Variants in SPOCK3 observed in about 807,000 individuals in gnomAD.
The protein encoded by SPOCK3 is SPARC (osteonectin), cwcv and kazal like domains proteoglycan 3, also known as testican-3.
In SPOCK3, 30 loss-of-function variants were observed where a neutral mutation model predicts 56.6. That is an observed-to-expected ratio of 0.53 (90% confidence interval 0.40 to 0.72). The LOEUF (loss-of-function observed/expected upper bound fraction) is 0.72. SPOCK3 is among the 30% of genes least tolerant of loss of function. SPOCK3 has a pLI of 0.00. For missense variants in SPOCK3, 527 were observed against 530.0 expected, an observed-to-expected ratio of 0.99 and a Z score of 0.06; for synonymous variants, 196 against 183.3, an observed-to-expected ratio of 1.07 and a Z score of -0.56.
chr4:167,061,974 G>A (rs760852757), intron 3 of SPOCK3, among the ~76,000 whole-genome samples: 1 of 151,778 alleles, frequency 6.6e-6, no homozygotes, highest in Non-Finnish European at 1.5e-5. Context: ...TTAAAGGTAA[G>A]TTAATCAGAA....
intron 5 of SPOCK3, among the ~76,000 whole-genome samples, chr4:166,912,198 T>C (rs76942767): frequency 3.9e-5 from 6 of 151,964 alleles, no homozygotes; most frequent in African/African-American, 1.4e-4. Context: ...TCTGATCCTG[T>C]TTTTTTCATC....
intron 2 of SPOCK3, among the ~76,000 whole-genome samples, chr4:167,150,311 A>G (rs1393528724): frequency 6.6e-6 from 1 of 152,052 alleles, no homozygotes; most frequent in Non-Finnish European, 1.5e-5. Flanking sequence ...TTTTTTTTTA[A>G]TGTAAAAATG....
chr4:167,053,236 C>T (rs1219147218), intron 3 of SPOCK3, among the ~76,000 whole-genome samples: 1 of 151,772 alleles, frequency 6.6e-6, no homozygotes, highest in African/African-American at 2.4e-5. Flanking sequence ...TTTCTCAAAA[C>T]TGCCCCTCCC....
At chr4:166,873,919 A>G (rs941864032) in intron 6 of SPOCK3, among the ~76,000 whole-genome samples, 2 of 152,152 alleles carry the variant, frequency 1.3e-5, no homozygotes, top group African/African-American at 4.8e-5. Flanking sequence ...CACTCAGAAG[A>G]AGGAATGGAT....
At chr4:167,030,965 C>T (rs1188755085) in intron 3 of SPOCK3, among the ~76,000 whole-genome samples, 3 of 152,102 alleles carry the variant, frequency 2.0e-5, no homozygotes, top group African/African-American at 7.2e-5. Context: ...AGATATTTGT[C>T]ATGTGTTGAG....
intron 2 of SPOCK3, among the ~76,000 whole-genome samples, chr4:167,142,955 T>C (rs990351576): frequency 2.0e-5 from 3 of 151,936 alleles, no homozygotes; most frequent in African/African-American, 7.2e-5. Flanking sequence ...TACATAATAT[T>C]ATGCCACTAG....
intron 4 of SPOCK3, among the ~76,000 whole-genome samples, chr4:166,990,287 T>C (rs984577509): frequency 1.3e-5 from 2 of 152,148 alleles, no homozygotes; most frequent in African/African-American, 4.8e-5. Context: ...TTGAGCTCCA[T>C]ATTTTGACAT....
intron 2 of SPOCK3, among the ~76,000 whole-genome samples, chr4:167,131,086 TA>T: frequency 6.6e-6 from 1 of 152,196 alleles, no homozygotes; most frequent in Admixed American, 6.5e-5. Context: ...TCAAGGTTTT[TA>T]AAAATATTAC....
intron 6 of SPOCK3, among the ~76,000 whole-genome samples, chr4:166,834,245 C>G (rs1404899143): frequency 6.6e-6 from 1 of 152,158 alleles, no homozygotes; most frequent in Non-Finnish European, 1.5e-5. Context: ...CCAAGCATCT[C>G]AAACCAACTC....
chr4:166,816,090 A>C (rs562517881), intron 6 of SPOCK3, among the ~76,000 whole-genome samples: 5 of 152,228 alleles, frequency 3.3e-5, no homozygotes, highest in African/African-American at 1.2e-4. Flanking sequence ...ATTATCTAGA[A>C]AATGAATGTA....
chr4:167,184,058 T>C (rs1049621416), intron 2 of SPOCK3, among the ~76,000 whole-genome samples: 1 of 152,226 alleles, frequency 6.6e-6, no homozygotes, highest in Non-Finnish European at 1.5e-5. Context: ...CCATTTGTTC[T>C]TGTTAAATGT....
In SPOCK3 at chr4:166,834,907, T is replaced by A. The variant is rs993659671; in HGVS notation, c.590-42618A>T. On this transcript the variant is annotated intron_variant, in intron 6 of 10. Transcript: ENST00000357545. ...TGTACTCTGATTTCTCAATAATAGTTATATAAACAAATCTTTATTTTTTGT... is the reference window on the plus strand; with the variant it reads ...TGTACTCTGATTTCTCAATAATAGTAATATAAACAAATCTTTATTTTTTGT... Among the ~76,000 whole-genome samples the A allele has an allele frequency of 2.0e-5, 3 of 152,140 alleles. No individual in the cohort carries two copies. The East Asian group carries it at 5.8e-4, about 29-fold the overall frequency.
chr4:166,806,379 A>G (rs958736473), intron 6 of SPOCK3, among the ~76,000 whole-genome samples: 14 of 152,140 alleles, frequency 9.2e-5, no homozygotes, highest in African/African-American at 3.1e-4. Context: ...TGTTTTAACA[A>G]GGTCATCTCC....
chr4:166,911,995 A>G (rs1219297469), intron 5 of SPOCK3, among the ~76,000 whole-genome samples: 1 of 152,210 alleles, frequency 6.6e-6, no homozygotes, highest in African/African-American at 2.4e-5. Context: ...ACTTTCTGTT[A>G]CATAAGCTAA....
intron 3 of SPOCK3, among the ~76,000 whole-genome samples, chr4:167,025,918 C>A (rs1396547178): frequency 6.6e-6 from 1 of 152,036 alleles, no homozygotes; most frequent in Non-Finnish European, 1.5e-5. Flanking sequence ...GCCTATTGCT[C>A]CTAGGCTACA....
At chr4:166,942,760 T>A (rs1369650890) in intron 4 of SPOCK3, among the ~76,000 whole-genome samples, 3 of 152,178 alleles carry the variant, frequency 2.0e-5, no homozygotes, top group African/African-American at 7.2e-5. Context: ...ATTTGCATGA[T>A]ACATTCAAGA....
chr4:166,882,003 G>A (rs1312716282), intron 6 of SPOCK3, among the ~76,000 whole-genome samples: 1 of 152,036 alleles, frequency 6.6e-6, no homozygotes, highest in African/African-American at 2.4e-5. Context: ...TTTAAGATAC[G>A]TACTGGGTGG....
At chr4:167,205,386 TA>T (rs1222318790) in intron 2 of SPOCK3, among the ~76,000 whole-genome samples, 3 of 41,622 alleles carry the variant, frequency 7.2e-5, no homozygotes, top group African/African-American at 2.5e-4. Context: ...ATATAATATA[TA>T]TATTTTATAT....
intron 4 of SPOCK3, among the ~76,000 whole-genome samples, chr4:166,966,123 T>G (rs552573205): frequency 2.0e-5 from 3 of 152,122 alleles, no homozygotes; most frequent in Non-Finnish European, 4.4e-5. Flanking sequence ...TTTCACTTAG[T>G]AATGTGGGTT....
Sources: allele counts gnomAD v4.1 joint callset (sites outside exome capture counted in the v4.1 genomes callset), GRCh38; gene constraint gnomAD v4.1.1; transcripts MANE v1.5; gene names NCBI Gene and HGNC (gene_info 2026-07-23, HGNC 2026-07-21).